SPATA32: variants seen among roughly 807,000 people sequenced by gnomAD.
The protein encoded by SPATA32 is spermatogenesis-associated protein 32.
A neutral mutation model predicts 35.4 loss-of-function variants in SPATA32; 28 were observed. The observed-to-expected ratio is 0.79, with a 90% CI of 0.59 to 1.09. The LOEUF (loss-of-function observed/expected upper bound fraction) is 1.09. SPATA32 is among the 50% of genes least tolerant of loss of function. SPATA32 has a pLI of 0.00. For missense variants in SPATA32, 409 were observed against 475.9 expected, an observed-to-expected ratio of 0.86 and a Z score of 1.31; for synonymous variants, 168 against 196.3, an observed-to-expected ratio of 0.86 and a Z score of 1.20.
chr17:45,257,382 CA>C (rs1057019572), intron 1 of SPATA32, among the ~76,000 whole-genome samples, 175 bp from the exon 2 acceptor site: 24 of 152,130 alleles, frequency 1.6e-4, no homozygotes, highest in African/African-American at 5.3e-4. Flanking sequence ...TCCTATCCTC[CA>C]GTCCTGCTCC....
chr17:45,257,086 TG>T (rs2143724827), intron 2 of SPATA32, 66 bp downstream of exon 2: 1 of 1,551,316 alleles, frequency 6.4e-7, no homozygotes, highest in Non-Finnish European at 8.8e-7. Context: ...GATCCTAGGC[TG>T]GGGGTGAGGT....
chr17:45,255,519 G>A lies in SPATA32; in HGVS notation c.663C>T (p.Ser221=), dbSNP rs764820397. The part of the protein sequence containing the change: ...DAHSAPPTTS[S]QAPSPLLSSD... Reference sequence around the variant, plus strand: ...AGGACAGGAGGGGGCTTGGTGCCTGGGAGCTTGTGGTTGGAGGAGCTGAGT... The same window carrying A: ...AGGACAGGAGGGGGCTTGGTGCCTGAGAGCTTGTGGTTGGAGGAGCTGAGT... Residue 221 remains serine (S), a synonymous_variant, in exon 4 of 5, where the codon TCC becomes TCT. Transcript: ENST00000331780. The surrounding 1 kb of genome is among the most constrained non-coding windows in gnomAD (Gnocchi z 5.4). The A allele has an allele frequency of 6.2e-7, 1 of 1,614,146 alleles. No homozygotes were observed.
At chr17:45,260,601 G>A (rs2043996967) in intron 1 of SPATA32, 1 of 152,242 alleles carries the variant, frequency 6.6e-6, no homozygotes, top group South Asian at 2.1e-4. Context: ...GAGGAAACGT[G>A]TATGAGGTCA....
At position 45,255,003 on chromosome 17, in the gene SPATA32, C is replaced by G; in HGVS notation, c.1067+112G>C. On this transcript the variant is annotated intron_variant, in intron 4 of 4. Coordinates refer to ENST00000331780, the MANE Select transcript of SPATA32 (RefSeq NM_152343.3). The surrounding 1 kb of genome is among the most constrained non-coding windows in gnomAD (Gnocchi z 5.4). The stretch of plus-strand genomic sequence containing the variant: ...TGGAGGCGTCACAGCCCACCACATC[C>G]TGCTCCCAGGCCCTCATTCCACTGT... 9.5e-7 allele frequency: 1 copy of G among 1,049,424 alleles called. No homozygotes were observed. The highest frequency in any genetic ancestry group is 1.5e-5 in the South Asian group (1 of 65,226). 65.0% of individuals were successfully genotyped at this position (1,049,424 alleles called of 1,614,324 possible).
Position 45,256,252 on chromosome 17 carries a change from G to T in SPATA32, c.108+124C>A. ...GCCCGGTGAGGGGGTGTGTGTGTGG[G>T]TGTACCCACACCGGCCTGGTACTAG... is the stretch of plus-strand genomic sequence containing the variant. On this transcript the variant is annotated intron_variant, in intron 3 of 4. Coordinates refer to ENST00000331780, the MANE Select transcript of SPATA32 (RefSeq NM_152343.3). This position sits in a 1 kb window ranked among gnomAD's most constrained non-coding sequence, Gnocchi z 4.7. 2 of 1,224,060 alleles carry T rather than the reference G, an allele frequency of 1.6e-6. No homozygotes were observed. Among genetic ancestry groups the T allele is most frequent in the Non-Finnish European group, 2.4e-6 (2 of 830,502 alleles). The allele number at this position is 1,224,060 out of a possible 1,614,324, so 75.8% of individuals were successfully genotyped here. A position where few individuals can be genotyped will look rare whatever the true frequency, so the allele number is the denominator to read the frequency against.
At chr17:45,259,473 A>G (rs1289408423) in intron 1 of SPATA32, among the ~76,000 whole-genome samples, 1 of 152,080 alleles carries the variant, frequency 6.6e-6, no homozygotes, top group Non-Finnish European at 1.5e-5. Flanking sequence ...CATATGAGTA[A>G]TGTTATATTA....
At position 45,261,875 on chromosome 17, in the gene SPATA32, CG is replaced by C. The variant is rs1192114565; in HGVS notation, c.13+128del. ...GCGGGTCGACCTGCCTTTCAGGTGC[CG>C]GGGGTTTGGGAGCAGGGGAACGGGC... On this transcript the variant is annotated intron_variant, in intron 1 of 4. Transcript: ENST00000331780. The C allele has an allele frequency of 2.3e-5, 25 of 1,086,682 alleles. No individual in the cohort carries two copies. The East Asian group carries it at 6.4e-4, about 28-fold the overall frequency. The allele number at this position is 1,086,682 out of a possible 1,614,324, so 67.3% of individuals were successfully genotyped here. A position where few individuals can be genotyped will look rare whatever the true frequency, so the allele number is the denominator to read the frequency against.
intron 1 of SPATA32, among the ~76,000 whole-genome samples, chr17:45,257,831 C>T (rs1021713949): frequency 6.6e-6 from 1 of 152,152 alleles, no homozygotes; most frequent in Non-Finnish European, 1.5e-5. Context: ...AGCACCTATC[C>T]GACGATTTAT....
chr17:45,254,699 C>G (rs543223890), intron 4 of SPATA32, among the ~76,000 whole-genome samples, 186 bp from the exon 5 acceptor site: 2 of 152,280 alleles, frequency 1.3e-5, no homozygotes, highest in Admixed American at 6.5e-5. Flanking sequence ...CTGGAGAGCC[C>G]TGCACCCTCA....
chr17:45,258,925 C>T (rs1355660451), intron 1 of SPATA32, among the ~76,000 whole-genome samples: 2 of 152,158 alleles, frequency 1.3e-5, no homozygotes, highest in Admixed American at 6.5e-5. Context: ...CATGAGCCAC[C>T]GTGCCTGGCC....
rs1216616319 is a variant in SPATA32 at position 45,256,189 on chromosome 17, C to G, written c.109-116G>C. 3.8e-6 allele frequency: 5 copies of G among 1,331,970 alleles called. No homozygotes were observed. Among genetic ancestry groups the G allele is most frequent in the South Asian group, 1.3e-5 (1 of 77,396 alleles). The allele number at this position is 1,331,970 out of a possible 1,614,324, so 82.5% of individuals were successfully genotyped here. A position where few individuals can be genotyped will look rare whatever the true frequency, so the allele number is the denominator to read the frequency against. ...GCCCTGGGTCCTGCTGTCTTCCCCC[C>G]GCCCCCTAACCCCATGCCTGCCTCC... On this transcript the variant is annotated intron_variant, in intron 3 of 4. Transcript: ENST00000331780. This position sits in a 1 kb window ranked among gnomAD's most constrained non-coding sequence, Gnocchi z 4.7.
chr17:45,256,035 T>C lies in SPATA32; in HGVS notation c.147A>G (p.Gln49=), dbSNP rs771197304. The change falls in exon 4 of 5, where the codon CAA becomes CAG. Residue 49 remains glutamine (Q), a synonymous_variant. Transcript: ENST00000331780. The surrounding 1 kb of genome is among the most constrained non-coding windows in gnomAD (Gnocchi z 4.7). ...ADMLEQKPQL[Q]VDLDLDPDPD... is the part of the protein sequence containing the mutation. ...GGTCTGGGTCCAGGTCCAGGTCCAC[T>C]TGGAGTTGGGGCTTCTGCTCTAGCA... 1.7e-5 allele frequency: 28 copies of C among 1,612,038 alleles called. No individual in the cohort carries two copies. The highest frequency in any genetic ancestry group is 3.3e-4 in the Middle Eastern group (2 of 6,080).
At chr17:45,261,965 T>C (rs753921485) in intron 1 of SPATA32, 39 bp downstream of exon 1, 31 of 1,310,424 alleles carry the variant, frequency 2.4e-5, no homozygotes, top group Non-Finnish European at 2.9e-5. Context: ...TTTCCCCGCC[T>C]GCCCCAACCC....
intron 1 of SPATA32, 73 bp downstream of exon 1, chr17:45,261,931 C>T: frequency 7.8e-7 from 1 of 1,277,340 alleles, no homozygotes; most frequent in Non-Finnish European, 1.0e-6. Flanking sequence ...GCCCCCTTCG[C>T]GCCCCTCCCC....
At chr17:45,259,179 G>A (rs1357047605) in intron 1 of SPATA32, among the ~76,000 whole-genome samples, 1 of 152,124 alleles carries the variant, frequency 6.6e-6, no homozygotes, top group Non-Finnish European at 1.5e-5. Context: ...TCCATACAAT[G>A]TTGAGTAGGA....
chr17:45,258,802 C>T (rs181987750), intron 1 of SPATA32, among the ~76,000 whole-genome samples: 55 of 152,076 alleles, frequency 3.6e-4, no homozygotes, highest in African/African-American at 1.2e-3. Flanking sequence ...GCCCAGCTCA[C>T]TTTTTGTATT....
intron 1 of SPATA32, among the ~76,000 whole-genome samples, chr17:45,260,374 C>T (rs1225983749): frequency 2.0e-5 from 3 of 152,172 alleles, no homozygotes; most frequent in African/African-American, 7.2e-5. Flanking sequence ...ATTCATCCTT[C>T]ATCCTTTCAC....
intron 1 of SPATA32, among the ~76,000 whole-genome samples, chr17:45,257,609 T>C (rs1163638002): frequency 1.3e-5 from 2 of 152,182 alleles, no homozygotes; most frequent in African/African-American, 2.4e-5. Flanking sequence ...ATGACTTGAA[T>C]GCAGGCTTGA....
In SPATA32 at chr17:45,256,110, CGGGAGG is replaced by C; in HGVS notation, c.109-43_109-38del. ...CAACTCAAAGCTGAGGAGGCAGGAGCGGGAGGTCCTGCCCCTGAGGCCCTCCCTGGC... is the reference window on the plus strand; with the variant it reads ...CAACTCAAAGCTGAGGAGGCAGGAGCTCCTGCCCCTGAGGCCCTCCCTGGC... On this transcript the variant is annotated intron_variant, in intron 3 of 4. Transcript: ENST00000331780. This position sits in a 1 kb window ranked among gnomAD's most constrained non-coding sequence, Gnocchi z 4.7. The C allele has an allele frequency of 6.4e-7, 1 of 1,566,322 alleles. No homozygotes were observed.
Sources: allele counts gnomAD v4.1 joint callset (sites outside exome capture counted in the v4.1 genomes callset), GRCh38; gene constraint gnomAD v4.1.1; non-coding constraint Gnocchi (gnomAD v3.1); transcripts MANE v1.5; gene names NCBI Gene and HGNC (gene_info 2026-07-23, HGNC 2026-07-21).